Variants in EPHA6 observed in about 807,000 individuals in gnomAD.
The protein encoded by EPHA6 is ephrin type-A receptor 6.
In EPHA6, 50 loss-of-function variants were observed where a neutral mutation model predicts 112.0. That is an observed-to-expected ratio of 0.45 (90% CI 0.36 to 0.56). The LOEUF (loss-of-function observed/expected upper bound fraction) is 0.56, where lower values mean the gene tolerates loss of function less well. EPHA6 is among the 20% of genes least tolerant of loss of function. The pLI is 0.00. For missense variants in EPHA6, 1,280 were observed against 1,417.4 expected (o/e 0.90, Z 1.56); for synonymous variants, 529 against 490.7 (o/e 1.08, Z -1.03).
chr3:97,560,619 T>C (rs1163537546), intron 11 of EPHA6: 1 of 152,066 alleles, frequency 6.6e-6, no homozygotes, highest in East Asian at 1.9e-4. Flanking sequence ...CTTTCATTCA[T>C]TCTTCAAAGA....
In EPHA6 at chr3:97,759,528, A is replaced by G. The variant is rs139495575; in HGVS notation, c.*10827A>G. ...CAGGGGAAAACTGATTATGCAAGAG[A>G]GATGATAATTGTAACAAAGGCCTTG... On this transcript the variant is annotated 3_prime_UTR_variant, in exon 18 of 18. Coordinates refer to ENST00000389672, the MANE Select transcript of EPHA6 (RefSeq NM_001080448.3). The G allele has an allele frequency of 5.8e-4, 135 of 230,916 alleles. No individual in the cohort carries two copies. Among genetic ancestry groups the G allele is most frequent in the African/African-American group, 2.8e-3 (126 of 45,324 alleles). 14.3% of individuals were successfully genotyped at this position (230,916 alleles called of 1,614,324 possible).
intron 1 of EPHA6, among the ~76,000 whole-genome samples, chr3:96,840,945 ATTG>A (rs2034707743): frequency 6.6e-6 from 1 of 152,086 alleles, no homozygotes; most frequent in African/African-American, 2.4e-5. Flanking sequence ...AGTAATTAAT[ATTG>A]TTTTGTGAAC....
chr3:96,930,806 A>G (rs2040273969), intron 2 of EPHA6, among the ~76,000 whole-genome samples: 1 of 151,958 alleles, frequency 6.6e-6, no homozygotes, highest in South Asian at 2.1e-4. Context: ...AGCCTGGACA[A>G]CATGGTGAAA....
intron 14 of EPHA6, among the ~76,000 whole-genome samples, chr3:97,667,383 A>T (rs2030254161): frequency 6.6e-6 from 1 of 152,180 alleles, no homozygotes; most frequent in Non-Finnish European, 1.5e-5. Flanking sequence ...ATTCTTAAAC[A>T]TTTACAGTGT....
intron 3 of EPHA6, among the ~76,000 whole-genome samples, chr3:97,095,427 G>A (rs890122124): frequency 6.6e-6 from 1 of 151,706 alleles, no homozygotes; most frequent in Non-Finnish European, 1.5e-5. Context: ...TTGTGCACAT[G>A]TACCCTAGAA....
At chr3:97,035,288 A>G (rs2045046389) in intron 3 of EPHA6, among the ~76,000 whole-genome samples, 1 of 151,896 alleles carries the variant, frequency 6.6e-6, no homozygotes, top group African/African-American at 2.4e-5. Flanking sequence ...CTTATGCTAT[A>G]TTAAGTACCT....
intron 7 of EPHA6, among the ~76,000 whole-genome samples, chr3:97,450,411 A>G (rs2090487117): frequency 6.6e-6 from 1 of 152,054 alleles, no homozygotes; most frequent in African/African-American, 2.4e-5. Context: ...GATTTAAAAA[A>G]TTCACCTGAC....
intron 2 of EPHA6, among the ~76,000 whole-genome samples, chr3:96,905,824 T>C (rs2038903896): frequency 3.3e-5 from 5 of 152,066 alleles, no homozygotes; most frequent in Admixed American, 3.3e-4. Flanking sequence ...TTGTTGGCTA[T>C]AAGAATAATG....
intron 14 of EPHA6, among the ~76,000 whole-genome samples, chr3:97,691,717 A>G (rs1352189375): frequency 6.6e-6 from 1 of 152,332 alleles, no homozygotes; most frequent in African/African-American, 2.4e-5. Context: ...ATAGCAACTT[A>G]TTTATCTGAT....
At chr3:97,046,495 G>A (rs1217569005) in intron 3 of EPHA6, among the ~76,000 whole-genome samples, 1 of 152,100 alleles carries the variant, frequency 6.6e-6, no homozygotes, top group Non-Finnish European at 1.5e-5. Context: ...ATGACAAGAT[G>A]CCCACTACCA....
chr3:96,979,771 T>C (rs2042683320), intron 2 of EPHA6, among the ~76,000 whole-genome samples: 1 of 152,202 alleles, frequency 6.6e-6, no homozygotes, highest in Non-Finnish European at 1.5e-5. Flanking sequence ...TATCTCATTG[T>C]GGTTTTGATT....
At chr3:96,957,640 T>C (rs568228589) in intron 2 of EPHA6, among the ~76,000 whole-genome samples, 5 of 152,274 alleles carry the variant, frequency 3.3e-5, no homozygotes, top group African/African-American at 7.2e-5. Context: ...TCAACTCACA[T>C]TGGAGTTCTC....
chr3:97,338,721 T>C (rs1264900280), intron 5 of EPHA6, among the ~76,000 whole-genome samples: 1 of 152,172 alleles, frequency 6.6e-6, no homozygotes, highest in African/African-American at 2.4e-5. Flanking sequence ...AAACTACTGT[T>C]TGAAGTGAGA....
intron 12 of EPHA6, among the ~76,000 whole-genome samples, chr3:97,595,902 C>CTTT (rs1198606431): frequency 6.6e-4 from 76 of 115,048 alleles, no homozygotes; most frequent in Non-Finnish European, 7.2e-4. Flanking sequence ...GACATATTCT[C>CTTT]TTTTTTTTTT....
Position 97,240,379 on chromosome 3 carries a change from C to T in EPHA6, c.1271-3573C>T, listed in dbSNP as rs187361186. On this transcript the variant is annotated intron_variant, in intron 4 of 17. Coordinates refer to ENST00000389672, the MANE Select transcript of EPHA6 (RefSeq NM_001080448.3). ...AATAAACCATGCACTACATTCTTGG[C>T]AGTCATTAAATTAACAAAGGTAGTA... Among the ~76,000 whole-genome samples the T allele has an allele frequency of 2.0e-5, 3 of 151,900 alleles. No homozygotes were observed. The East Asian group carries it at 5.8e-4, about 29-fold the overall frequency.
At chr3:96,890,108 C>T (rs372668169) in intron 2 of EPHA6, among the ~76,000 whole-genome samples, 14 of 148,990 alleles carry the variant, frequency 9.4e-5, no homozygotes, top group African/African-American at 1.3e-4. Flanking sequence ...TTTATTAAAC[C>T]GAACCCCCAA....
At chr3:97,358,414 T>A (rs2108922664) in intron 5 of EPHA6, among the ~76,000 whole-genome samples, 1 of 152,300 alleles carries the variant, frequency 6.6e-6, no homozygotes, top group African/African-American at 2.4e-5. Flanking sequence ...CTTTATACAC[T>A]GTATATTCCC....
At chr3:97,217,395 A>T (rs557412734) in intron 3 of EPHA6, among the ~76,000 whole-genome samples, 81 of 152,322 alleles carry the variant, frequency 5.3e-4, no homozygotes, top group Middle Eastern at 6.8e-3. Context: ...AAGACATGGG[A>T]CAAATGCAAA....
At chr3:97,311,400 G>A (rs1257158770) in intron 5 of EPHA6, among the ~76,000 whole-genome samples, 6 of 150,170 alleles carry the variant, frequency 4.0e-5, no homozygotes, top group African/African-American at 1.5e-4. Flanking sequence ...ACCATACACA[G>A]CCTCTTGCAC....
Sources: allele counts gnomAD v4.1 joint callset (sites outside exome capture counted in the v4.1 genomes callset), GRCh38; gene constraint gnomAD v4.1.1; transcripts MANE v1.5; gene names NCBI Gene and HGNC (gene_info 2026-07-23, HGNC 2026-07-21).